RP1L1: variants seen among roughly 807,000 people sequenced by gnomAD.
RP1L1 encodes the protein retinitis pigmentosa 1-like 1 protein.
RP1L1 carries 27 observed loss-of-function variants against 15.7 expected under a neutral mutation model. The ratio of observed to expected loss-of-function variants is 1.72; its 90% confidence interval spans 1.27 to 2.38. The LOEUF (loss-of-function observed/expected upper bound fraction) is 2.38, where lower values mean the gene tolerates loss of function less well. Ranked by LOEUF, RP1L1 falls within the 30% of genes most tolerant of loss-of-function variation. The pLI is 0.00. For synonymous variants in RP1L1, 1,813 were observed against 1,276.7 expected, an observed-to-expected ratio of 1.42 and a Z score of -8.96; for missense variants, 4,798 against 3,075.9, an observed-to-expected ratio of 1.56 and a Z score of -13.24.
intron 1 of RP1L1, among the ~76,000 whole-genome samples, chr8:10,631,254 C>T (rs1010736314): frequency 3.3e-5 from 5 of 149,524 alleles, no homozygotes; most frequent in Non-Finnish European, 4.4e-5. Flanking sequence ...TGCACACATG[C>T]ACACACACGC....
At position 10,619,970 on chromosome 8, in the gene RP1L1, A is replaced by T. The variant is rs1798032800; in HGVS notation, c.609+2623T>A. Among the ~76,000 whole-genome samples, 2 of 151,730 alleles carry T rather than the reference A, an allele frequency of 1.3e-5. 1 individual carries two copies. The highest frequency in any genetic ancestry group is 4.2e-4 in the South Asian group (2 of 4,802). ...AGGGAGACTCCATCTCAAAAAAAAA[A>T]AAAAAAAAAAAGATGTTGAGAGAGG... On this transcript the variant is annotated intron_variant, in intron 2 of 3. Coordinates refer to ENST00000382483, the MANE Select transcript of RP1L1 (RefSeq NM_178857.6).
In RP1L1 at chr8:10,606,800, A is replaced by AAAG. The variant is rs1797709797; in HGVS notation, c.*94_*95insCTT. On this transcript the variant is annotated 3_prime_UTR_variant, in exon 4 of 4. Transcript: ENST00000382483. ...TGGTCTTTGTCCATGTACTATGGAC[A>AAAG]TCTCCAGTGGACTGAACGTTGCTCA... is the stretch of plus-strand genomic sequence containing the variant. 1 of 1,590,814 alleles carries AAAG rather than the reference A, an allele frequency of 6.3e-7. No individual in the cohort carries two copies. The highest frequency in any genetic ancestry group is 1.3e-5 in the African/African-American group (1 of 74,688).
chr8:10,616,288 G>A (rs767289017), intron 3 of RP1L1, among the ~76,000 whole-genome samples, 158 bp downstream of exon 3: 16 of 152,176 alleles, frequency 1.1e-4, no homozygotes, highest in Admixed American at 2.0e-4. Flanking sequence ...ACAGTACTGA[G>A]AAGGAGGAAG....
At chr8:10,627,615 T>C (rs1359934072) in intron 1 of RP1L1, among the ~76,000 whole-genome samples, 2 of 150,982 alleles carry the variant, frequency 1.3e-5, no homozygotes, top group Admixed American at 6.6e-5. Context: ...TGGCCAATTC[T>C]ATCTGGTGTG....
At chr8:10,619,832 C>T (rs111457465) in intron 2 of RP1L1, among the ~76,000 whole-genome samples, 22 of 151,940 alleles carry the variant, frequency 1.4e-4, no homozygotes, top group African/African-American at 2.9e-4. Context: ...TGGTGGCAGG[C>T]GCCTGTAGTC....
Position 10,610,796 on chromosome 8 carries a change from G to C in RP1L1, c.3302C>G (p.Pro1101Arg), listed in dbSNP as rs775098260. 2.5e-5 allele frequency: 40 copies of C among 1,611,274 alleles called. No individual in the cohort carries two copies. Among genetic ancestry groups the C allele is most frequent in the Non-Finnish European group, 3.4e-5 (40 of 1,178,540 alleles). ...GSKQGRPSSV[P>R]EVSRPMARRL... ...CCTGGCCATGGGCCTAGACACTTCG[G>C]GCACGCTGCTGGGCCGGCCCTGCTT... The change falls in exon 4 of 4, where the codon CCC becomes CGC. Residue 1101 changes from proline (P) to arginine (R), a missense_variant. Transcript: ENST00000382483.
In RP1L1 at chr8:10,611,312, C is replaced by A. The variant is rs1797848292; in HGVS notation, c.2786G>T (p.Arg929Met). The A allele has an allele frequency of 6.2e-6, 10 of 1,612,864 alleles. No individual in the cohort carries two copies. The highest frequency in any genetic ancestry group is 1.3e-5 in the African/African-American group (1 of 74,950). Residue 929 changes from arginine to methionine, a missense_variant, in exon 4 of 4, where the codon AGG (arginine) becomes ATG (methionine). By Grantham distance (91) the Arg-to-Met change is moderately conservative. Transcript: ENST00000382483. ...SRGLSEEKTL[R>M]SGGGPQGQEE... is the part of the protein sequence containing the mutation. ...CTGCCCCTGGGGGCCTCCCCCACTC[C>A]TCAAGGTCTTCTCCTCGGACAGCCC...
intron 1 of RP1L1, among the ~76,000 whole-genome samples, chr8:10,633,312 C>T (rs994398996): frequency 3.9e-5 from 6 of 152,180 alleles, no homozygotes; most frequent in African/African-American, 1.4e-4. Context: ...CCCCCATTGA[C>T]CAAATCCAAC....
rs1373745862 is a variant in RP1L1 at position 10,632,924 on chromosome 8, C to G, written c.-19-9704G>C. On this transcript the variant is annotated intron_variant, in intron 1 of 3. Coordinates refer to ENST00000382483, the MANE Select transcript of RP1L1 (RefSeq NM_178857.6). ...TTCAGCGCCATCCATGTCCACTCTCCTCTCCTTGGGCGGAGGCTGCAAAAT... is the reference window on the plus strand; with the variant it reads ...TTCAGCGCCATCCATGTCCACTCTCGTCTCCTTGGGCGGAGGCTGCAAAAT... Among the ~76,000 whole-genome samples, 8 of 152,294 alleles carry G rather than the reference C, an allele frequency of 5.3e-5. No homozygotes were observed. The East Asian group carries it at 1.4e-3, about 26-fold the overall frequency.
rs978127872 is a variant in RP1L1, at chr8:10,652,086, G to A, written c.-20+2812C>T. Among the ~76,000 whole-genome samples the A allele has an allele frequency of 2.6e-5, 4 of 152,166 alleles. No individual in the cohort carries two copies. The East Asian group carries it at 7.7e-4, about 29-fold the overall frequency. On this transcript the variant is annotated intron_variant, in intron 1 of 3. Transcript: ENST00000382483. ...AGCAATAGGCTACAGTATAAGACCT[G>A]AGTGTGTAGTAGACAACACCATCTA...
At chr8:10,627,783 C>T (rs1410604549) in intron 1 of RP1L1, among the ~76,000 whole-genome samples, 2 of 152,166 alleles carry the variant, frequency 1.3e-5, no homozygotes, top group African/African-American at 4.8e-5. Context: ...AACATCACAG[C>T]GTTCCACACA....
chr8:10,618,375 G>T (rs541323796), intron 2 of RP1L1, among the ~76,000 whole-genome samples: 5 of 152,260 alleles, frequency 3.3e-5, no homozygotes, highest in Non-Finnish European at 4.4e-5. Context: ...GAGCGTGGTG[G>T]TAGACGCCTG....
At chr8:10,614,714 A>T (rs1328968633) in intron 3 of RP1L1, among the ~76,000 whole-genome samples, 4 of 149,158 alleles carry the variant, frequency 2.7e-5, no homozygotes, top group Admixed American at 2.7e-4. Flanking sequence ...GGAAGGAAGG[A>T]AGGAAAAAAA....
intron 2 of RP1L1, among the ~76,000 whole-genome samples, chr8:10,617,177 C>G (rs567781863): frequency 2.0e-5 from 3 of 151,992 alleles, no homozygotes; most frequent in African/African-American, 7.2e-5. Flanking sequence ...ATCAGAATGT[C>G]CCCTATGCAC....
At chr8:10,643,919 T>C (rs571354856) in intron 1 of RP1L1, among the ~76,000 whole-genome samples, 3 of 151,674 alleles carry the variant, frequency 2.0e-5, no homozygotes, top group African/African-American at 7.3e-5. Flanking sequence ...GGCAACAAAA[T>C]TGGCTGTGGT....
chr8:10,645,791 C>T (rs1798468222), intron 1 of RP1L1, among the ~76,000 whole-genome samples: 1 of 152,168 alleles, frequency 6.6e-6, no homozygotes, highest in South Asian at 2.1e-4. Flanking sequence ...GTCAATTAGA[C>T]CAGGCAGAAG....
chr8:10,652,947 A>C (rs1371823313), intron 1 of RP1L1, among the ~76,000 whole-genome samples: 1 of 152,186 alleles, frequency 6.6e-6, no homozygotes, highest in Non-Finnish European at 1.5e-5. Flanking sequence ...TTGGGGATCG[A>C]TGACATCCCA....
chr8:10,630,741 A>AT (rs1396028925), intron 1 of RP1L1, among the ~76,000 whole-genome samples: 1 of 152,182 alleles, frequency 6.6e-6, no homozygotes, highest in South Asian at 2.1e-4. Context: ...AAAGAAGTGA[A>AT]TTTTTTCATT....
chr8:10,652,455 C>T (rs1192075857), intron 1 of RP1L1, among the ~76,000 whole-genome samples: 1 of 150,556 alleles, frequency 6.6e-6, no homozygotes, highest in African/African-American at 2.4e-5. Context: ...AGACACTTGA[C>T]GAATGCGATG....
Sources: allele counts gnomAD v4.1 joint callset (sites outside exome capture counted in the v4.1 genomes callset), GRCh38; gene constraint gnomAD v4.1.1; transcripts MANE v1.5; gene names NCBI Gene and HGNC (gene_info 2026-07-23, HGNC 2026-07-21).